Variants in ACSM4 observed in about 807,000 individuals in gnomAD.
ACSM4 encodes the protein acyl-CoA synthetase medium chain family member 4.
In ACSM4, 66 loss-of-function variants were observed where a neutral mutation model predicts 73.0. The observed-to-expected ratio is 0.90, with a 90% CI of 0.74 to 1.11. The LOEUF (loss-of-function observed/expected upper bound fraction) is 1.11. Ranked by LOEUF, ACSM4 falls within the 50% of genes least tolerant of loss-of-function variation. The pLI is 0.00. For missense variants in ACSM4, 645 were observed against 714.4 expected, an observed-to-expected ratio of 0.90 and a Z score of 1.11; for synonymous variants, 222 against 254.0, an observed-to-expected ratio of 0.87 and a Z score of 1.20.
Position 7,310,657 on chromosome 12 carries a change from C to T in ACSM4, c.531C>T (p.Ser177=). 6.2e-7 allele frequency: 1 copy of T among 1,613,446 alleles called. No individual in the cohort carries two copies. The highest frequency in any genetic ancestry group is 8.5e-7 in the Non-Finnish European group (1 of 1,179,710). Residue 177 remains serine (S), a synonymous_variant, in exon 3 of 13, where the codon TCC becomes TCT. Coordinates refer to ENST00000399422, the MANE Select transcript of ACSM4 (RefSeq NM_001080454.2). Reference sequence around the variant, plus strand: ...AGGAGGTGGCCCCAGCGGTGGAGTCCATTGTATTGGAGTGTCCTGACCTTA... The same window carrying T: ...AGGAGGTGGCCCCAGCGGTGGAGTCTATTGTATTGGAGTGTCCTGACCTTA... ...ASEEVAPAVE[S]IVLECPDLKT... is the part of the protein sequence containing the mutation.
chr12:7,322,654 C>T (rs1042954666), intron 7 of ACSM4, 113 bp downstream of exon 7: 16 of 1,354,276 alleles, frequency 1.2e-5, no homozygotes, highest in Middle Eastern at 4.6e-4. Flanking sequence ...TAGAGTTTCC[C>T]GGGATACCTC....
intron 2 of ACSM4, 97 bp downstream of exon 2, chr12:7,306,840 C>CAAA: frequency 1.1e-5 from 5 of 467,832 alleles, no homozygotes; most frequent in South Asian, 1.5e-4. Context: ...AGTATGCATA[C>CAAA]AGAAGACAAA....
In ACSM4 at chr12:7,306,737, C is replaced by T. The variant is rs374165020; in HGVS notation, c.406C>T (p.Arg136Ter). The change falls in exon 2 of 13, where the codon CGA (arginine) becomes TGA (stop). Residue 136 changes from arginine (R) to a stop codon, truncating the protein, a stop_gained. Transcript: ENST00000399422. LOFTEE classifies it high-confidence loss of function. ...EWWLVNVACIRTGIIFMPGTI... is the reference protein window; with the variant it reads ...EWWLVNVACI ...GTGGCTGGTCAATGTAGCTTGCATACGAACAGGTCAGTGCCAATATTAGCA... is the reference window on the plus strand; with the variant it reads ...GTGGCTGGTCAATGTAGCTTGCATATGAACAGGTCAGTGCCAATATTAGCA... 78 of 1,607,152 alleles carry T rather than the reference C, an allele frequency of 4.9e-5. 1 individual carries two copies. Among genetic ancestry groups the T allele is most frequent in the Middle Eastern group, 3.3e-4 (2 of 6,076 alleles).
At chr12:7,327,821 T>C (rs1277601206) in intron 12 of ACSM4, among the ~76,000 whole-genome samples, 1 of 152,162 alleles carries the variant, frequency 6.6e-6, no homozygotes, top group East Asian at 1.9e-4. Context: ...TAGTCTTATT[T>C]TGAGAGAAGA....
intron 12 of ACSM4, 24 bp downstream of exon 12, chr12:7,327,119 A>C (rs372977306): frequency 6.4e-7 from 1 of 1,573,880 alleles, no homozygotes; most frequent in Non-Finnish European, 8.6e-7. Flanking sequence ...CCAAAAGTTA[A>C]GTTTGGATGT....
intron 3 of ACSM4, among the ~76,000 whole-genome samples, 172 bp downstream of exon 3, chr12:7,310,918 C>A (rs1397801860): frequency 2.0e-5 from 3 of 152,160 alleles, no homozygotes; most frequent in Non-Finnish European, 4.4e-5. Flanking sequence ...GTAATCCCAG[C>A]ACTTTGGGAG....
chr12:7,325,454 C>T (rs1946496689), intron 11 of ACSM4, among the ~76,000 whole-genome samples: 1 of 152,194 alleles, frequency 6.6e-6, no homozygotes, highest in South Asian at 2.1e-4. Flanking sequence ...CGAGACCAGC[C>T]TGGCCAACAT....
chr12:7,322,526 T>C lies in ACSM4; in HGVS notation c.1110T>C (p.Tyr370=), dbSNP rs1946471690. 1 of 1,613,734 alleles carries C rather than the reference T, an allele frequency of 6.2e-7. No homozygotes were observed. Among genetic ancestry groups the C allele is most frequent in the Admixed American group, 1.7e-5 (1 of 59,960 alleles). Residue 370 remains tyrosine (Y), a synonymous_variant, in exon 7 of 13, where the codon TAT becomes TAC. Coordinates refer to ENST00000399422, the MANE Select transcript of ACSM4 (RefSeq NM_001080454.2). The part of the protein sequence containing the change: ...VQTGLELYEG[Y]GQTEVGMICA... ...CTGGGCTGGAGCTATATGAGGGCTA[T>C]GGACAGACGGAAGTGGTATATCTAA... is the stretch of plus-strand genomic sequence containing the variant.
At chr12:7,322,886 G>C (rs1946475561) in intron 7 of ACSM4, among the ~76,000 whole-genome samples, 1 of 152,144 alleles carries the variant, frequency 6.6e-6, no homozygotes, top group African/African-American at 2.4e-5. Flanking sequence ...GCATTTAACG[G>C]AGTCCAAGGA....
chr12:7,324,244 A>G, intron 9 of ACSM4, 29 bp from the exon 10 acceptor site: 1 of 1,609,038 alleles, frequency 6.2e-7, no homozygotes, highest in Non-Finnish European at 8.5e-7. Flanking sequence ...TGACCAGACT[A>G]ATCCCCAAAT....
intron 2 of ACSM4, among the ~76,000 whole-genome samples, chr12:7,309,482 A>G (rs1267715343): frequency 1.3e-5 from 2 of 152,256 alleles, no homozygotes; most frequent in Non-Finnish European, 2.9e-5. Flanking sequence ...TACAGTATGC[A>G]TATTATGAAA....
At chr12:7,323,402 G>A in intron 8 of ACSM4, 57 bp from the exon 9 acceptor site, 1 of 1,597,400 alleles carries the variant, frequency 6.3e-7, no homozygotes, top group South Asian at 1.1e-5. Context: ...TTCATAAGCT[G>A]CTTTCATTTT....
At chr12:7,326,760 C>T (rs1267439036) in intron 11 of ACSM4, among the ~76,000 whole-genome samples, 2 of 152,178 alleles carry the variant, frequency 1.3e-5, no homozygotes, top group African/African-American at 4.8e-5. Context: ...TGAACTGCTG[C>T]ACTCCTCACA....
At chr12:7,324,217 C>A in intron 9 of ACSM4, 56 bp from the exon 10 acceptor site, 2 of 1,594,326 alleles carry the variant, frequency 1.3e-6, no homozygotes, top group South Asian at 2.3e-5. Context: ...TAATGAGTGC[C>A]ATACCCATCT....
chr12:7,305,595 C>G (rs1264012259), intron 1 of ACSM4, among the ~76,000 whole-genome samples: 1 of 152,176 alleles, frequency 6.6e-6, no homozygotes, highest in Non-Finnish European at 1.5e-5. Context: ...CCACACAGGT[C>G]CAACAGAACA....
Position 7,319,713 on chromosome 12 carries a change from TG to T in ACSM4, c.922-1008del, listed in dbSNP as rs750386157. 7.5e-3 allele frequency among the ~76,000 whole-genome samples: 1,148 copies of T among 152,290 alleles called. 15 individuals are homozygous for T. Among genetic ancestry groups the T allele is most frequent in the African/African-American group, 0.026 (1,089 of 41,554 alleles). The stretch of plus-strand genomic sequence containing the variant: ...ACAGAAACCAGTCTGTCCTTTGGGT[TG>T]GGGATCCCTGGTTAAAAGGTCTTAC... On this transcript the variant is annotated intron_variant, in intron 5 of 12. Coordinates refer to ENST00000399422, the MANE Select transcript of ACSM4 (RefSeq NM_001080454.2).
chr12:7,307,839 C>T (rs1389391242), intron 2 of ACSM4, among the ~76,000 whole-genome samples: 2 of 152,144 alleles, frequency 1.3e-5, no homozygotes, highest in Non-Finnish European at 2.9e-5. Context: ...AAAATATTTG[C>T]TATCTGGGCC....
chr12:7,320,845 C>A (rs781016297), intron 6 of ACSM4, 41 bp downstream of exon 6: 2 of 1,495,238 alleles, frequency 1.3e-6, no homozygotes, highest in Non-Finnish European at 1.9e-6. Context: ...CAAACAATAG[C>A]TACCATCCAG....
rs190363286 is a variant in ACSM4, at chr12:7,318,235, A to T, written c.921+53A>T. The T allele has an allele frequency of 2.1e-3, 3,357 of 1,581,370 alleles. 43 individuals carry two copies. Among genetic ancestry groups the T allele is most frequent in the Non-Finnish European group, 9.2e-4 (1,066 of 1,162,658 alleles). On this transcript the variant is annotated intron_variant, in intron 5 of 12. Transcript: ENST00000399422. ...TCTTTAGAGTTCTTCCTTGTTTCCC[A>T]TAAAATCACAAAGAAATTATTCCTT...
Sources: allele counts gnomAD v4.1 joint callset (sites outside exome capture counted in the v4.1 genomes callset), GRCh38; gene constraint gnomAD v4.1.1; transcripts MANE v1.5; gene names NCBI Gene and HGNC (gene_info 2026-07-23, HGNC 2026-07-21).